The following AFDN variants were observed in gnomAD, a reference collection of about 807,000 sequenced individuals.
The protein encoded by AFDN is afadin.
In AFDN, 68 loss-of-function variants were observed where a neutral mutation model predicts 216.6. The observed-to-expected ratio is 0.31, with a 90% CI of 0.26 to 0.38. AFDN has a LOEUF of 0.38. Among genes scored for constraint, AFDN ranks in the 10% least tolerant of loss-of-function variants. The pLI, the probability that AFDN is intolerant of heterozygous loss-of-function variation, is 1.00. For missense variants in AFDN, 2,136 were observed against 2,342.0 expected, an observed-to-expected ratio of 0.91 and a Z score of 1.82; for synonymous variants, 868 against 853.7, an observed-to-expected ratio of 1.02 and a Z score of -0.29.
intron 5 of AFDN, among the ~76,000 whole-genome samples, chr6:167,878,192 A>G (rs1785629697): frequency 6.6e-6 from 1 of 152,158 alleles, no homozygotes; most frequent in African/African-American, 2.4e-5. Flanking sequence ...GCAGAAGAAC[A>G]TGGACCTGGG....
intron 7 of AFDN, among the ~76,000 whole-genome samples, chr6:167,890,072 C>G (rs1787371016): frequency 6.6e-6 from 1 of 152,138 alleles, no homozygotes; most frequent in African/African-American, 2.4e-5. Context: ...GGTTTTCTTT[C>G]AAATTCACAT....
rs1010862423 is a variant in AFDN, at chr6:167,915,450, C to T, written c.2565+17C>T. ...ATCGTGCAGGTGATTGCTGGTGCCA[C>T]TCCCCAGCTCATGTGCTTTATGATA... On this transcript the variant is annotated intron_variant, in intron 19 of 33. Coordinates refer to ENST00000683244, the MANE Select transcript of AFDN (RefSeq NM_001386888.1). The T allele has an allele frequency of 1.3e-6, 2 of 1,592,760 alleles. No homozygotes were observed. The highest frequency in any genetic ancestry group is 4.5e-5 in the East Asian group (2 of 44,550).
Position 167,913,426 on chromosome 6 carries a change from A to G in AFDN, c.2058+3A>G. 1.3e-6 allele frequency: 2 copies of G among 1,535,932 alleles called. No homozygotes were observed. The highest frequency in any genetic ancestry group is 1.2e-5 in the South Asian group (1 of 84,052). On this transcript the variant is annotated splice_donor_region_variant and intron_variant, in intron 16 of 33. Transcript: ENST00000683244. ...AGGAAGTAGACCAGGTTGACCAGGT[A>G]GGACATCTGCTGGGAGCTGATCCTA...
intron 30 of AFDN, chr6:167,952,639 G>A (rs972284195): frequency 2.4e-5 from 6 of 253,944 alleles, no homozygotes; most frequent in African/African-American, 1.2e-4. Flanking sequence ...ACAGGCACAA[G>A]TAAACACATG....
Position 167,946,694 on chromosome 6 carries a change from G to A in AFDN, c.3359-13G>A. ...TAAAATCTTAAGAGATACTGAATATGCTTTGATTCCAGTTTCAGATCGTCG... is the reference window on the plus strand; with the variant it reads ...TAAAATCTTAAGAGATACTGAATATACTTTGATTCCAGTTTCAGATCGTCG... On this transcript the variant is annotated splice_polypyrimidine_tract_variant and intron_variant, in intron 26 of 33. Transcript: ENST00000683244. The A allele has an allele frequency of 6.2e-7, 1 of 1,610,966 alleles. No individual in the cohort carries two copies. The highest frequency in any genetic ancestry group is 8.5e-7 in the Non-Finnish European group (1 of 1,177,614).
chr6:167,893,954 C>T, intron 9 of AFDN, 48 bp downstream of exon 9: 1 of 1,370,378 alleles, frequency 7.3e-7, no homozygotes, highest in African/African-American at 1.4e-5. Context: ...ACTAATAGAA[C>T]CTCATGGGCA....
chr6:167,948,679 T>C (rs1413817853), intron 29 of AFDN, among the ~76,000 whole-genome samples: 1 of 152,246 alleles, frequency 6.6e-6, no homozygotes, highest in East Asian at 1.9e-4. Context: ...CTCTGATGTT[T>C]GATTAACAAA....
intron 23 of AFDN, among the ~76,000 whole-genome samples, chr6:167,932,185 C>T (rs909755591): frequency 1.3e-5 from 2 of 152,080 alleles, no homozygotes; most frequent in African/African-American, 2.4e-5. Flanking sequence ...CTATAAGCTG[C>T]GTGGTTTTTG....
Position 167,914,189 on chromosome 6 carries a change from G to A in AFDN, c.2080G>A (p.Ala694Thr). 2 of 1,614,060 alleles carry A rather than the reference G, an allele frequency of 1.2e-6. No individual in the cohort carries two copies. The highest frequency in any genetic ancestry group is 1.1e-5 in the South Asian group (1 of 91,054). Residue 694 changes from alanine to threonine, a missense_variant, in exon 17 of 34, where the codon GCA becomes ACA. Transcript: ENST00000683244. ...ACAGAAACAGAAGAATATTGCAGGG[G>A]CACTTGCCTTCTGGATGGCAAATGC... ...VDQKQKNIAG[A>T]LAFWMANASE...
intron 1 of AFDN, among the ~76,000 whole-genome samples, chr6:167,862,903 G>A (rs747502700): frequency 6.6e-6 from 1 of 152,172 alleles, no homozygotes; most frequent in Non-Finnish European, 1.5e-5. Context: ...GAATCTATGG[G>A]TAAGTGTTGT....
chr6:167,852,373 T>C (rs931207983), intron 1 of AFDN, among the ~76,000 whole-genome samples: 3 of 152,216 alleles, frequency 2.0e-5, no homozygotes, highest in Non-Finnish European at 4.4e-5. Context: ...ATCTCTGTTC[T>C]AGACTTACCT....
chr6:167,952,641 A>G, intron 30 of AFDN: 1 of 252,800 alleles, frequency 4.0e-6, no homozygotes, highest in Non-Finnish European at 6.2e-6. Flanking sequence ...AGGCACAAGT[A>G]AACACATGGG....
intron 2 of AFDN, 82 bp downstream of exon 2, chr6:167,864,828 T>C: frequency 7.4e-7 from 1 of 1,348,168 alleles, no homozygotes; most frequent in Non-Finnish European, 1.1e-6. Flanking sequence ...TGTGGTCATG[T>C]CAGGTTTACT....
chr6:167,922,924 T>G lies in AFDN; in HGVS notation c.2977T>G (p.Tyr993Asp). ...TWTIYFEGADYESHLLRENTE... is the reference protein window; with the variant it reads ...TWTIYFEGADDESHLLRENTE... ...GACAATATATTTTGAAGGTGCAGATTATGAAAGTCACCTTCTGCGTGAGAA... is the reference window on the plus strand; with the variant it reads ...GACAATATATTTTGAAGGTGCAGATGATGAAAGTCACCTTCTGCGTGAGAA... The change falls in exon 22 of 34, where the codon TAT (tyrosine) becomes GAT (aspartate). Residue 993 changes from tyrosine to aspartate, a missense_variant. Physicochemically the swap from Tyr to Asp is radical, Grantham distance 160 (BLOSUM62 -3). Transcript: ENST00000683244. 6.2e-7 allele frequency: 1 copy of G among 1,613,206 alleles called. No individual in the cohort carries two copies. The highest frequency in any genetic ancestry group is 1.1e-5 in the South Asian group (1 of 90,900).
Position 167,843,866 on chromosome 6 carries a change from A to G in AFDN, c.105+16629A>G, listed in dbSNP as rs935449898. 4.6e-5 allele frequency among the ~76,000 whole-genome samples: 7 copies of G among 152,204 alleles called. No individual in the cohort carries two copies. The South Asian group carries it at 6.2e-4, about 14-fold the overall frequency. On this transcript the variant is annotated intron_variant, in intron 1 of 33. Transcript: ENST00000683244. Reference sequence around the variant, plus strand: ...TAGAACCTTTTGTGTTAACATTTCAATATCTGACTAAAGGAGAAACACCTT... The same window carrying G: ...TAGAACCTTTTGTGTTAACATTTCAGTATCTGACTAAAGGAGAAACACCTT...
At chr6:167,927,173 A>T (rs879790116) in intron 23 of AFDN, among the ~76,000 whole-genome samples, 5 of 152,170 alleles carry the variant, frequency 3.3e-5, no homozygotes, top group Non-Finnish European at 5.9e-5. Context: ...TGGAGAAATT[A>T]AGAAGATGAA....
Position 167,875,187 on chromosome 6 carries a change from G to A in AFDN, c.579-148G>A, listed in dbSNP as rs938487671. 2.7e-5 allele frequency: 17 copies of A among 625,354 alleles called. No individual in the cohort carries two copies. The East Asian group carries it at 3.8e-4, about 14-fold the overall frequency. The allele number at this position is 625,354 out of a possible 1,614,324, so 38.7% of individuals were successfully genotyped here. On this transcript the variant is annotated intron_variant, in intron 4 of 33. Transcript: ENST00000683244. ...TATATTCTTTATCATATAGTAATTAGCATGTGGTAAATAGTACGTAACAGA... is the reference window on the plus strand; with the variant it reads ...TATATTCTTTATCATATAGTAATTAACATGTGGTAAATAGTACGTAACAGA...
chr6:167,946,772 T>G lies in AFDN; in HGVS notation c.3424T>G (p.Ser1142Ala). 6.2e-7 allele frequency: 1 copy of G among 1,613,898 alleles called. No homozygotes were observed. Among genetic ancestry groups the G allele is most frequent in the Non-Finnish European group, 8.5e-7 (1 of 1,179,938 alleles). Reference sequence around the variant, plus strand: ...TGAAGGCTTTGAGCTCTATAATAATTCAACTCAAAATGGGTCTCCTGAGAG... The same window carrying G: ...TGAAGGCTTTGAGCTCTATAATAATGCAACTCAAAATGGGTCTCCTGAGAG... The part of the protein sequence containing the change: ...KSEGFELYNN[S>A]TQNGSPESPQ... Residue 1142 changes from serine to alanine, a missense_variant, in exon 27 of 34, where the codon TCA becomes GCA. Around this residue, in one of 8 missense-constraint regions of AFDN, gnomAD observed 981 missense variants for 966.0 expected, o/e 1.02. Coordinates refer to ENST00000683244, the MANE Select transcript of AFDN (RefSeq NM_001386888.1).
chr6:167,878,807 C>T (rs1785750245), intron 5 of AFDN, among the ~76,000 whole-genome samples: 1 of 152,178 alleles, frequency 6.6e-6, no homozygotes, highest in Admixed American at 6.5e-5. Flanking sequence ...CTTGCCCAGC[C>T]CTGGGCCTTA....
Sources: gnomAD v4.1 joint callset for allele counts (sites outside exome capture counted in the v4.1 genomes callset) on GRCh38, gnomAD v4.1.1 for gene constraint, gnomAD v4.1.1 regional missense constraint, MANE v1.5 for transcripts, NCBI Gene and HGNC (gene_info 2026-07-23, HGNC 2026-07-21) for gene names.